The following CDC37L1 variants were observed in gnomAD, a reference collection of about 807,000 sequenced individuals.
CDC37L1 encodes the protein hsp90 co-chaperone Cdc37-like 1.
A neutral mutation model predicts 45.9 loss-of-function variants in CDC37L1; 32 were observed. The observed-to-expected ratio is 0.70, with a 90% CI of 0.53 to 0.94. CDC37L1 has a LOEUF of 0.94. CDC37L1 is among the 40% of genes least tolerant of loss of function. The pLI, the probability that CDC37L1 is intolerant of heterozygous loss-of-function variation, is 0.00. For synonymous variants in CDC37L1, 150 were observed against 133.0 expected (o/e 1.13, Z -0.88); for missense variants, 434 against 405.7 (o/e 1.07, Z -0.60).
Position 4,706,363 on chromosome 9 carries a change from T to G in CDC37L1, c.*251T>G, listed in dbSNP as rs1841441860. The G allele has an allele frequency of 3.3e-6, 1 of 299,930 alleles. No individual in the cohort carries two copies. Among genetic ancestry groups the G allele is most frequent in the Non-Finnish European group, 6.3e-6 (1 of 158,048 alleles). 18.6% of individuals were successfully genotyped at this position (299,930 alleles called of 1,614,324 possible). A position where few individuals can be genotyped will look rare whatever the true frequency, so the allele number is the denominator to read the frequency against. ...CTGGACTTTTTGTGGCTACTAAATT[T>G]GCTTTTAATCTTATTGTTCTCAATT... On this transcript the variant is annotated 3_prime_UTR_variant, in exon 7 of 7. Transcript: ENST00000381854.
Position 4,688,479 on chromosome 9 carries a change from AAATCTGATTTAAATTTCTAAAATTTT to A in CDC37L1, c.415-33_415-8del. On this transcript the variant is annotated splice_polypyrimidine_tract_variant and splice_region_variant and intron_variant, in intron 2 of 6. Transcript: ENST00000381854. ...AGAAAGAAGATTCAATTAGAATTTA[AAATCTGATTTAAATTTCTAAAATTTT>A]TTCTTAGAGTTTTATTAATCAAGAT... 8.9e-7 allele frequency: 1 copy of A among 1,122,202 alleles called. No individual in the cohort carries two copies. The highest frequency in any genetic ancestry group is 1.3e-6 in the Non-Finnish European group (1 of 797,888). 69.5% of individuals were successfully genotyped at this position (1,122,202 alleles called of 1,614,324 possible). A position where few individuals can be genotyped will look rare whatever the true frequency, so the allele number is the denominator to read the frequency against.
At chr9:4,696,876 T>C (rs1167991892) in intron 3 of CDC37L1, among the ~76,000 whole-genome samples, 1 of 152,236 alleles carries the variant, frequency 6.6e-6, no homozygotes, top group African/African-American at 2.4e-5. Flanking sequence ...CCTGTGAATT[T>C]TAGGAGCTAT....
intron 3 of CDC37L1, among the ~76,000 whole-genome samples, chr9:4,693,357 C>T (rs888554207): frequency 5.9e-5 from 9 of 151,906 alleles, no homozygotes; most frequent in Non-Finnish European, 1.2e-4. Context: ...GTGGGAGGAT[C>T]TCTTGAGCCC....
intron 3 of CDC37L1, among the ~76,000 whole-genome samples, chr9:4,694,472 A>G (rs772151721): frequency 3.3e-5 from 5 of 152,232 alleles, no homozygotes; most frequent in African/African-American, 7.2e-5. Flanking sequence ...TACTAATTCA[A>G]TGTGCATTTT....
At chr9:4,681,912 C>G (rs1050904978) in intron 1 of CDC37L1, among the ~76,000 whole-genome samples, 1 of 152,122 alleles carries the variant, frequency 6.6e-6, no homozygotes, top group African/African-American at 2.4e-5. Context: ...TAATGTCCCT[C>G]TAAAACTTCT....
At chr9:4,699,608 AAAT>A (rs1448657253) in intron 5 of CDC37L1, among the ~76,000 whole-genome samples, 3 of 152,188 alleles carry the variant, frequency 2.0e-5, no homozygotes, top group Non-Finnish European at 4.4e-5. Flanking sequence ...AGGCAGAACT[AAAT>A]AATATATTGT....
At chr9:4,683,124 T>C (rs1314396987) in intron 1 of CDC37L1, among the ~76,000 whole-genome samples, 2 of 144,638 alleles carry the variant, frequency 1.4e-5, no homozygotes, top group African/African-American at 5.0e-5. Flanking sequence ...ATATTTTATA[T>C]ATATTTTATA....
intron 3 of CDC37L1, among the ~76,000 whole-genome samples, chr9:4,690,569 T>A (rs143661189): frequency 6.6e-6 from 1 of 152,314 alleles, no homozygotes; most frequent in East Asian, 1.9e-4. Context: ...ATGAAACTAT[T>A]GTGCAAATAA....
Position 4,707,109 on chromosome 9 carries a change from A to G in CDC37L1, c.*997A>G, listed in dbSNP as rs545155737. 1 of 152,184 alleles carries G rather than the reference A, an allele frequency of 6.6e-6. No individual in the cohort carries two copies. The highest frequency in any genetic ancestry group is 2.1e-4 in the South Asian group (1 of 4,824). The allele number at this position is 152,184 out of a possible 1,614,324, so 9.4% of individuals were successfully genotyped here. On this transcript the variant is annotated 3_prime_UTR_variant, in exon 7 of 7. Transcript: ENST00000381854. Reference sequence around the variant, plus strand: ...AACTGCCTTGAGCTGCCAATTACCTATTTCTGAGAATTTGGTGACTCTTAT... The same window carrying G: ...AACTGCCTTGAGCTGCCAATTACCTGTTTCTGAGAATTTGGTGACTCTTAT...
intron 3 of CDC37L1, among the ~76,000 whole-genome samples, chr9:4,694,087 T>A (rs1279850312): frequency 6.6e-6 from 1 of 152,224 alleles, no homozygotes; most frequent in East Asian, 1.9e-4. Context: ...TCTCCTTATG[T>A]GTTTTATTTT....
At chr9:4,689,162 G>A (rs1179276034) in intron 3 of CDC37L1, among the ~76,000 whole-genome samples, 1 of 152,112 alleles carries the variant, frequency 6.6e-6, no homozygotes, top group Non-Finnish European at 1.5e-5. Context: ...TTGATTTCAA[G>A]GAACAGATAG....
chr9:4,696,669 A>G (rs922732785), intron 3 of CDC37L1, among the ~76,000 whole-genome samples: 5 of 152,208 alleles, frequency 3.3e-5, no homozygotes, highest in African/African-American at 1.2e-4. Context: ...TTTCTTTGAC[A>G]CCTTGAAACA....
intron 2 of CDC37L1, among the ~76,000 whole-genome samples, chr9:4,685,754 T>G (rs977001616): frequency 2.6e-5 from 4 of 152,228 alleles, no homozygotes; most frequent in African/African-American, 9.6e-5. Flanking sequence ...GTTTTATACC[T>G]CAGTTTTCCA....
At chr9:4,681,648 A>AT (rs1281664825) in intron 1 of CDC37L1, among the ~76,000 whole-genome samples, 1 of 151,924 alleles carries the variant, frequency 6.6e-6, no homozygotes, top group Admixed American at 6.6e-5. Flanking sequence ...AAAAAAAAAA[A>AT]TTTTTTTTGC....
At chr9:4,688,836 A>T (rs371101733) in intron 3 of CDC37L1, among the ~76,000 whole-genome samples, 8 of 152,026 alleles carry the variant, frequency 5.3e-5, no homozygotes, top group Non-Finnish European at 1.2e-4. Flanking sequence ...GTATTATTAT[A>T]TAGTGTACTA....
chr9:4,700,323 T>C (rs1841385421), intron 5 of CDC37L1, among the ~76,000 whole-genome samples: 2 of 152,170 alleles, frequency 1.3e-5, no homozygotes, highest in Non-Finnish European at 2.9e-5. Flanking sequence ...CCCCAGCTAA[T>C]TTTTTGTAGA....
At chr9:4,699,432 A>G (rs7034740) in intron 5 of CDC37L1, among the ~76,000 whole-genome samples, 5,463 of 152,312 alleles carry the variant, frequency 0.036, 339 homozygotes, top group African/African-American at 0.13. Context: ...TTCAACCTGT[A>G]TATTCATTCT....
rs2130838820 is a variant in CDC37L1 at position 4,679,772 on chromosome 9, A to G, written c.5A>G (p.Glu2Gly). 1 of 1,612,260 alleles carries G rather than the reference A, an allele frequency of 6.2e-7. No homozygotes were observed. Among genetic ancestry groups the G allele is most frequent in the East Asian group, 2.2e-5 (1 of 44,848 alleles). ...TAGGACCCGGAGCAGCCGGACATGG[A>G]ACAACCGTGGCCGCCTCCGGGACCC... Reference protein sequence around the residue: MEQPWPPPGPWS... With the variant: MGQPWPPPGPWS... The change falls in exon 1 of 7, where the codon GAA (glutamate) becomes GGA (glycine). Residue 2 changes from glutamate to glycine, a missense_variant. Transcript: ENST00000381854.
intron 6 of CDC37L1, among the ~76,000 whole-genome samples, chr9:4,705,195 A>G (rs184060288): frequency 5.2e-4 from 79 of 152,318 alleles, no homozygotes; most frequent in African/African-American, 1.8e-3. Flanking sequence ...AATAAAATAA[A>G]TATAAGTAAA....
Sources: gnomAD v4.1 joint callset for allele counts (sites outside exome capture counted in the v4.1 genomes callset) on GRCh38, gnomAD v4.1.1 for gene constraint, MANE v1.5 for transcripts, NCBI Gene and HGNC (gene_info 2026-07-23, HGNC 2026-07-21) for gene names.